The following WDFY4 variants were observed in gnomAD, a reference collection of about 807,000 sequenced individuals.
WDFY4 encodes the protein WDFY family member 4.
In WDFY4, 169 loss-of-function variants were observed where a neutral mutation model predicts 351.9. That is an observed-to-expected ratio of 0.48 (90% CI 0.42 to 0.55). WDFY4 has a LOEUF of 0.55. WDFY4 is among the 20% of genes least tolerant of loss of function. The pLI is 0.00. For missense variants in WDFY4, 3,803 were observed against 3,935.6 expected (o/e 0.97, Z 0.90); for synonymous variants, 1,622 against 1,574.6 (o/e 1.03, Z -0.71).
intron 47 of WDFY4, among the ~76,000 whole-genome samples, chr10:48,929,166 G>A (rs1294744390): frequency 6.6e-6 from 1 of 151,910 alleles, no homozygotes; most frequent in African/African-American, 2.4e-5. Context: ...TTCAGATGGA[G>A]GAAACATCAA....
intron 21 of WDFY4, 60 bp from the exon 22 acceptor site, chr10:48,789,814 T>C: frequency 6.6e-7 from 1 of 1,515,538 alleles, no homozygotes; most frequent in South Asian, 1.2e-5. Flanking sequence ...CAGGAGCTCG[T>C]GGACAATGCT....
chr10:48,898,802 T>C (rs1233179772), intron 45 of WDFY4, among the ~76,000 whole-genome samples: 1 of 151,750 alleles, frequency 6.6e-6, no homozygotes, highest in Non-Finnish European at 1.5e-5. Context: ...AAGAGCAGAG[T>C]GGAAGTAGCA....
chr10:48,926,572 A>G (rs559150091), intron 47 of WDFY4, among the ~76,000 whole-genome samples: 44 of 152,320 alleles, frequency 2.9e-4, no homozygotes, highest in Non-Finnish European at 5.4e-4. Flanking sequence ...ACAGGCAAAT[A>G]AGGTCCCTGA....
chr10:48,873,790 C>A, intron 41 of WDFY4, 93 bp downstream of exon 41: 1 of 1,374,840 alleles, frequency 7.3e-7, no homozygotes, highest in Non-Finnish European at 9.9e-7. Flanking sequence ...TTGTTTATAT[C>A]AGGCTAAGAT....
At chr10:48,852,578 G>C (rs1368019284) in intron 39 of WDFY4, among the ~76,000 whole-genome samples, 1 of 152,170 alleles carries the variant, frequency 6.6e-6, no homozygotes, top group Non-Finnish European at 1.5e-5. Flanking sequence ...CTCTGTTCAA[G>C]ATGCTGCTCA....
At chr10:48,698,555 T>C (rs1041531811) in intron 1 of WDFY4, among the ~76,000 whole-genome samples, 3 of 152,194 alleles carry the variant, frequency 2.0e-5, no homozygotes, top group South Asian at 2.1e-4. Context: ...GGGGGCCCTC[T>C]GTCGACCGTA....
intron 47 of WDFY4, among the ~76,000 whole-genome samples, chr10:48,935,807 C>A (rs1481996373): frequency 6.6e-6 from 1 of 152,126 alleles, no homozygotes; most frequent in East Asian, 1.9e-4. Flanking sequence ...CCTGAATGAA[C>A]ACACAGCAGT....
Position 48,725,945 on chromosome 10 carries a change from A to G in WDFY4, c.656A>G (p.Gln219Arg). Residue 219 changes from glutamine to arginine, a missense_variant, in exon 6 of 62, where the codon CAG (glutamine) becomes CGG (arginine). Around this residue, in one of 3 missense-constraint regions of WDFY4, gnomAD observed 488 missense variants for 456.8 expected, o/e 1.07. Coordinates refer to ENST00000325239, the MANE Select transcript of WDFY4 (RefSeq NM_001394531.1). ...GGACTCCTCTCAGGAAGTGAGCTGCAGTCTCTGCTGATTGCCACGACCTGC... is the reference window on the plus strand; with the variant it reads ...GGACTCCTCTCAGGAAGTGAGCTGCGGTCTCTGCTGATTGCCACGACCTGC... ...LEGLLSGSEL[Q>R]SLLIATTCLR... The G allele has an allele frequency of 1.3e-6, 2 of 1,551,716 alleles. No individual in the cohort carries two copies. The highest frequency in any genetic ancestry group is 1.7e-6 in the Non-Finnish European group (2 of 1,146,968).
At chr10:48,824,202 T>A (rs1202066995) in intron 35 of WDFY4, 1 of 985,276 alleles carries the variant, frequency 1.0e-6, no homozygotes, top group Non-Finnish European at 1.2e-6. Context: ...GTGGCTTAAG[T>A]GTCCAGTGTG....
chr10:48,914,012 G>C, intron 47 of WDFY4: 1 of 1,614,190 alleles, frequency 6.2e-7, no homozygotes, highest in Non-Finnish European at 8.5e-7. Flanking sequence ...TGTCACTAAG[G>C]CGCAGAATAC....
intron 47 of WDFY4, among the ~76,000 whole-genome samples, chr10:48,923,506 A>ATG (rs1554812692): frequency 8.7e-6 from 1 of 115,116 alleles, no homozygotes; most frequent in African/African-American, 2.7e-5. Flanking sequence ...GTATATATAT[A>ATG]TATATATGTC....
At chr10:48,798,043 G>A (rs78564952) in intron 24 of WDFY4, among the ~76,000 whole-genome samples, 6,745 of 152,154 alleles carry the variant, frequency 0.044, 515 homozygotes, top group African/African-American at 0.15. Context: ...TGAAAAAGTC[G>A]AACTTGAACC....
At chr10:48,907,891 A>T (rs893223731) in intron 47 of WDFY4, among the ~76,000 whole-genome samples, 9 of 152,184 alleles carry the variant, frequency 5.9e-5, no homozygotes, top group Non-Finnish European at 8.8e-5. Flanking sequence ...CTCTGTCTAT[A>T]CCAGAGTCAC....
In WDFY4 at chr10:48,840,188, G is replaced by A. The variant is rs150227869; in HGVS notation, c.6663+7479G>A. On this transcript the variant is annotated intron_variant, in intron 39 of 61. Transcript: ENST00000325239. ...ACTGAAAGTAAAGTCTATGTGGCCT[G>A]TATCATTGCCCTCAGTCTTGCAGGC... Among the ~76,000 whole-genome samples, 1,294 of 152,276 alleles carry A rather than the reference G, an allele frequency of 8.5e-3. 13 individuals are homozygous for A. The highest frequency in any genetic ancestry group is 0.014 in the Non-Finnish European group (967 of 68,028).
intron 47 of WDFY4, among the ~76,000 whole-genome samples, chr10:48,935,714 TA>T (rs1840315556): frequency 6.6e-6 from 1 of 152,256 alleles, no homozygotes; most frequent in East Asian, 1.9e-4. Flanking sequence ...ACAATACTCA[TA>T]AAATCATACA....
chr10:48,926,124 T>G (rs1839552643), intron 47 of WDFY4, among the ~76,000 whole-genome samples: 1 of 152,206 alleles, frequency 6.6e-6, no homozygotes, highest in African/African-American at 2.4e-5. Context: ...AAATGCCTCA[T>G]CCTGGGGATA....
chr10:48,855,747 G>A (rs1199180408), intron 39 of WDFY4, among the ~76,000 whole-genome samples: 1 of 151,986 alleles, frequency 6.6e-6, no homozygotes, highest in Non-Finnish European at 1.5e-5. Context: ...TCACAGTTTT[G>A]CTTTCTGCAG....
At position 48,976,920 on chromosome 10, in the gene WDFY4, G is replaced by A; in HGVS notation, c.9232G>A (p.Gly3078Ser). The A allele has an allele frequency of 6.5e-7, 1 of 1,534,158 alleles. No homozygotes were observed. Among genetic ancestry groups the A allele is most frequent in the Non-Finnish European group, 8.8e-7 (1 of 1,137,244 alleles). ...CATAACCTGCTGCTGCCTGATGGAG[G>A]GCCCAGCATGGGACACAAGCCAGAT... ...GAITCCCLME[G>S]PAWDTSQIII... Residue 3078 changes from glycine (G) to serine (S), a missense_variant, in exon 59 of 62, where the codon GGC (glycine) becomes AGC (serine). This residue lies in a region of WDFY4 where 3,054 missense variants were observed against 3,148.6 expected (regional missense o/e 0.97). Coordinates refer to ENST00000325239, the MANE Select transcript of WDFY4 (RefSeq NM_001394531.1).
chr10:48,776,642 T>C (rs1449430635), intron 15 of WDFY4, 108 bp from the exon 16 acceptor site: 3 of 1,133,862 alleles, frequency 2.6e-6, no homozygotes, highest in African/African-American at 1.6e-5. Flanking sequence ...CTGGTGACTG[T>C]GCGAAACTCT....
Sources: allele counts gnomAD v4.1 joint callset (sites outside exome capture counted in the v4.1 genomes callset), GRCh38; gene constraint gnomAD v4.1.1; regional missense constraint gnomAD v4.1.1; transcripts MANE v1.5; gene names NCBI Gene and HGNC (gene_info 2026-07-23, HGNC 2026-07-21).